Variants in KCTD16 observed in about 807,000 individuals in gnomAD.
KCTD16 encodes BTB/POZ domain-containing protein KCTD16.
Under a neutral mutation model 33.2 loss-of-function variants are expected in KCTD16, and 13 were observed. The observed-to-expected ratio is 0.39, with a 90% CI of 0.25 to 0.62. KCTD16 has a LOEUF of 0.62. Among genes scored for constraint, KCTD16 ranks in the 20% least tolerant of loss-of-function variants. The pLI is 0.50. For missense variants in KCTD16, 441 were observed against 525.1 expected (o/e 0.84, Z 1.57); for synonymous variants, 197 against 195.3 (o/e 1.01, Z -0.07).
chr5:144,426,387 T>C (rs1053764364), intron 3 of KCTD16, among the ~76,000 whole-genome samples: 1 of 152,176 alleles, frequency 6.6e-6, no homozygotes, highest in African/African-American at 2.4e-5. Context: ...CTACAGCTTG[T>C]CTCTTCTATT....
intron 3 of KCTD16, among the ~76,000 whole-genome samples, chr5:144,394,469 A>C (rs1580928414): frequency 6.6e-6 from 1 of 152,354 alleles, no homozygotes; most frequent in Non-Finnish European, 1.5e-5. Context: ...TTGTTCTCTG[A>C]AAACTGAACT....
At chr5:144,371,905 T>C in intron 3 of KCTD16, among the ~76,000 whole-genome samples, 1 of 152,132 alleles carries the variant, frequency 6.6e-6, no homozygotes, top group East Asian at 1.9e-4. Context: ...CTCTTCTCCC[T>C]CTAGCTGTCA....
chr5:144,287,966 AT>A (rs1337657890), intron 3 of KCTD16, among the ~76,000 whole-genome samples: 7 of 152,142 alleles, frequency 4.6e-5, no homozygotes, highest in African/African-American at 1.7e-4. Context: ...CTTTACAGTG[AT>A]TTACAAACTG....
rs1369592911 is a variant in KCTD16 at position 144,207,456 on chromosome 5, G to A, written c.742G>A (p.Val248Met). 6.2e-7 allele frequency: 1 copy of A among 1,614,188 alleles called. No individual in the cohort carries two copies. Among genetic ancestry groups the A allele is most frequent in the East Asian group, 2.2e-5 (1 of 44,878 alleles). ...GTTGTCAGAGTGTGGATTCCACATG[G>A]TGGCCTGTAACTCATCGGTGACAGC... is the stretch of plus-strand genomic sequence containing the variant. ...DMLSECGFHM[V>M]ACNSSVTASF... Residue 248 changes from valine (V) to methionine (M), a missense_variant, in exon 3 of 4, where the codon GTG (valine) becomes ATG (methionine). Transcript: ENST00000512467.
Position 144,381,123 on chromosome 5 carries a change from C to A in KCTD16, c.833-92537C>A, listed in dbSNP as rs1022195155. On this transcript the variant is annotated intron_variant, in intron 3 of 3. Transcript: ENST00000512467. The stretch of plus-strand genomic sequence containing the variant: ...AAATTAACAAGGAAAAAACAAGCAA[C>A]CCCATTAAAAAATGAGCAAAGGACA... Among the ~76,000 whole-genome samples the A allele has an allele frequency of 2.6e-5, 4 of 151,912 alleles. No individual in the cohort carries two copies. In the East Asian group the frequency reaches 7.7e-4, roughly 29 times the overall value.
intron 2 of KCTD16, among the ~76,000 whole-genome samples, chr5:144,184,713 T>A (rs1752691017): frequency 6.6e-6 from 1 of 152,172 alleles, no homozygotes; most frequent in Non-Finnish European, 1.5e-5. Context: ...GCCATGCTGG[T>A]GAGTGTGAGG....
At chr5:144,392,464 T>A (rs1426908266) in intron 3 of KCTD16, among the ~76,000 whole-genome samples, 1 of 152,126 alleles carries the variant, frequency 6.6e-6, no homozygotes, top group African/African-American at 2.4e-5. Context: ...ACCACTAGAT[T>A]TGTGTTAAAA....
At chr5:144,208,049 A>G (rs1753246680) in intron 3 of KCTD16, among the ~76,000 whole-genome samples, 1 of 152,246 alleles carries the variant, frequency 6.6e-6, no homozygotes, top group Non-Finnish European at 1.5e-5. Context: ...GCTAGATGGC[A>G]GTACAGACTG....
At chr5:144,430,517 C>T (rs929105363) in intron 3 of KCTD16, among the ~76,000 whole-genome samples, 5 of 152,064 alleles carry the variant, frequency 3.3e-5, no homozygotes, top group Non-Finnish European at 7.4e-5. Flanking sequence ...CTCTCTGGAC[C>T]TCAAGTTCCT....
At chr5:144,287,690 A>G (rs1755783121) in intron 3 of KCTD16, among the ~76,000 whole-genome samples, 1 of 152,116 alleles carries the variant, frequency 6.6e-6, no homozygotes, top group South Asian at 2.1e-4. Context: ...AGGCTGGAGT[A>G]CAGTGGCGTA....
chr5:144,354,402 A>C (rs1273695051), intron 3 of KCTD16, among the ~76,000 whole-genome samples: 1 of 152,200 alleles, frequency 6.6e-6, no homozygotes, highest in Non-Finnish European at 1.5e-5. Context: ...TCAAAAATCC[A>C]AGATTTGTAT....
intron 3 of KCTD16, among the ~76,000 whole-genome samples, chr5:144,299,072 A>ATATATATT (rs1491103244): frequency 1.7e-5 from 1 of 57,432 alleles, no homozygotes; most frequent in Non-Finnish European, 3.4e-5. Flanking sequence ...ATATATATAT[A>ATATATATT]TTTTTGTATA....
At chr5:144,398,706 A>ACTCTCT (rs202105888) in intron 3 of KCTD16, among the ~76,000 whole-genome samples, 1 of 146,498 alleles carries the variant, frequency 6.8e-6, no homozygotes, top group African/African-American at 2.7e-5. Flanking sequence ...ACACACACAC[A>ACTCTCT]CACTCTCTCT....
chr5:144,319,101 A>G (rs1344370815), intron 3 of KCTD16, among the ~76,000 whole-genome samples: 1 of 152,046 alleles, frequency 6.6e-6, no homozygotes. Flanking sequence ...ATATAAATTT[A>G]TTGGAATGAA....
At chr5:144,390,928 G>A (rs2126938300) in intron 3 of KCTD16, among the ~76,000 whole-genome samples, 1 of 152,178 alleles carries the variant, frequency 6.6e-6, no homozygotes, top group Admixed American at 6.5e-5. Flanking sequence ...TCACATCTAG[G>A]GCATGAATGT....
intron 3 of KCTD16, among the ~76,000 whole-genome samples, chr5:144,309,062 T>C (rs1264021946): frequency 6.6e-6 from 1 of 152,176 alleles, no homozygotes; most frequent in African/African-American, 2.4e-5. Flanking sequence ...TGGATCCTAA[T>C]GCTCACCTAC....
chr5:144,292,300 C>T (rs137994971), intron 3 of KCTD16, among the ~76,000 whole-genome samples: 1 of 152,142 alleles, frequency 6.6e-6, no homozygotes, highest in Non-Finnish European at 1.5e-5. Flanking sequence ...ACTGAGTAAC[C>T]CAGGATACTA....
chr5:144,446,558 G>T (rs955738758), intron 3 of KCTD16, among the ~76,000 whole-genome samples: 1 of 152,002 alleles, frequency 6.6e-6, no homozygotes, highest in Non-Finnish European at 1.5e-5. Flanking sequence ...TGACAAATGA[G>T]ATCTAATTAA....
chr5:144,234,835 A>G (rs1409142659), intron 3 of KCTD16, among the ~76,000 whole-genome samples: 1 of 152,034 alleles, frequency 6.6e-6, no homozygotes, highest in African/African-American at 2.4e-5. Flanking sequence ...TGTGTGTATC[A>G]CAGTCCTGCC....
Sources: allele counts gnomAD v4.1 joint callset (sites outside exome capture counted in the v4.1 genomes callset), GRCh38; gene constraint gnomAD v4.1.1; transcripts MANE v1.5; gene names NCBI Gene and HGNC (gene_info 2026-07-23, HGNC 2026-07-21).